BMP6: variants seen among roughly 807,000 people sequenced by gnomAD.
The protein encoded by BMP6 is bone morphogenetic protein 6.
In BMP6, 17 loss-of-function variants were observed where a neutral mutation model predicts 54.1. The observed-to-expected ratio is 0.31, with a 90% CI of 0.22 to 0.47. The LOEUF (loss-of-function observed/expected upper bound fraction) is 0.47, where lower values mean the gene tolerates loss of function less well. Among genes scored for constraint, BMP6 ranks in the 20% least tolerant of loss-of-function variants. BMP6 has a pLI of 1.00. For missense variants in BMP6, 720 were observed against 690.4 expected, an observed-to-expected ratio of 1.04 and a Z score of -0.48; for synonymous variants, 328 against 291.2, an observed-to-expected ratio of 1.13 and a Z score of -1.28.
intron 1 of BMP6, among the ~76,000 whole-genome samples, chr6:7,744,621 G>A (rs1236134554): frequency 6.6e-6 from 1 of 152,066 alleles, no homozygotes; most frequent in African/African-American, 2.4e-5. Context: ...GATGAGTTTT[G>A]GTGTGTGTAT....
chr6:7,767,506 A>G (rs2113150299), intron 1 of BMP6, among the ~76,000 whole-genome samples: 1 of 152,244 alleles, frequency 6.6e-6, no homozygotes, highest in African/African-American at 2.4e-5. Context: ...AGATTTGGAT[A>G]CAGTAGGTTA....
chr6:7,794,997 A>G (rs1352565766), intron 1 of BMP6, among the ~76,000 whole-genome samples: 1 of 152,022 alleles, frequency 6.6e-6, no homozygotes, highest in Non-Finnish European at 1.5e-5. Context: ...ATCCATGGGA[A>G]CACAGGAGTC....
At chr6:7,791,862 C>A (rs9392176) in intron 1 of BMP6, among the ~76,000 whole-genome samples, 41,918 of 151,952 alleles carry the variant, frequency 0.28, 6,634 homozygotes, top group East Asian at 0.53. Flanking sequence ...ATTTTATATC[C>A]GTCTACTTAT....
intron 1 of BMP6, among the ~76,000 whole-genome samples, chr6:7,841,480 A>G (rs1486152636): frequency 2.6e-5 from 4 of 152,276 alleles, no homozygotes; most frequent in African/African-American, 9.6e-5. Flanking sequence ...ACATACAGGC[A>G]GTAACCTAAT....
At chr6:7,840,285 A>G (rs17674245) in intron 1 of BMP6, among the ~76,000 whole-genome samples, 4,702 of 152,260 alleles carry the variant, frequency 0.031, 92 homozygotes, top group Middle Eastern at 0.078. Context: ...GGGGAGTGAT[A>G]AACATTATTC....
At chr6:7,783,168 G>C (rs1165851828) in intron 1 of BMP6, among the ~76,000 whole-genome samples, 1 of 152,202 alleles carries the variant, frequency 6.6e-6, no homozygotes, top group Non-Finnish European at 1.5e-5. Flanking sequence ...TGTGGCATTT[G>C]TATGATTAGA....
chr6:7,877,814 C>T (rs939173231), intron 4 of BMP6, among the ~76,000 whole-genome samples: 4 of 152,144 alleles, frequency 2.6e-5, no homozygotes, highest in Admixed American at 2.6e-4. Flanking sequence ...ACTGACATCC[C>T]ACATTAGATG....
rs76691229 is a variant in BMP6 at position 7,750,331 on chromosome 6, C to T, written c.664+22712C>T. On this transcript the variant is annotated intron_variant, in intron 1 of 6. Transcript: ENST00000283147. ...CTGACGTGTAGATACATGGAACTTC[C>T]GAACTGCAGAGGTACCATGATAGAG... Among the ~76,000 whole-genome samples, 524 of 152,216 alleles carry T rather than the reference C, an allele frequency of 3.4e-3. 2 individuals are homozygous for T. The highest frequency in any genetic ancestry group is 9.1e-3 in the African/African-American group (378 of 41,520).
chr6:7,880,165 G>C, intron 6 of BMP6, 29 bp from the exon 7 acceptor site: 2 of 1,614,010 alleles, frequency 1.2e-6, no homozygotes, highest in Non-Finnish European at 1.7e-6. Context: ...CATTTCTAAG[G>C]TACCTTCTCC....
chr6:7,783,051 T>C (rs551139227), intron 1 of BMP6, among the ~76,000 whole-genome samples: 1 of 151,856 alleles, frequency 6.6e-6, no homozygotes, highest in East Asian at 1.9e-4. Flanking sequence ...AAATAAGAGA[T>C]AGGGAAATGC....
intron 1 of BMP6, among the ~76,000 whole-genome samples, chr6:7,827,960 CAG>C: frequency 6.6e-6 from 1 of 152,348 alleles, no homozygotes; most frequent in East Asian, 1.9e-4. Flanking sequence ...TTAGTTAACA[CAG>C]AAGTTATGTG....
At chr6:7,823,406 T>C (rs1758645728) in intron 1 of BMP6, among the ~76,000 whole-genome samples, 1 of 152,206 alleles carries the variant, frequency 6.6e-6, no homozygotes, top group Non-Finnish European at 1.5e-5. Flanking sequence ...CAAAGAATTA[T>C]TGACTATCAG....
At chr6:7,787,824 A>G (rs76232364) in intron 1 of BMP6, among the ~76,000 whole-genome samples, 1 of 152,226 alleles carries the variant, frequency 6.6e-6, no homozygotes, top group East Asian at 1.9e-4. Context: ...TTTCTTGCAC[A>G]AAAACTCACT....
At chr6:7,739,142 G>C (rs1167717027) in intron 1 of BMP6, among the ~76,000 whole-genome samples, 1 of 152,128 alleles carries the variant, frequency 6.6e-6, no homozygotes, top group African/African-American at 2.4e-5. Flanking sequence ...TTCTAATTTT[G>C]GAAGCAAGTG....
intron 1 of BMP6, among the ~76,000 whole-genome samples, chr6:7,728,573 C>T (rs543639681): frequency 1.3e-5 from 2 of 152,350 alleles, no homozygotes; most frequent in Admixed American, 6.5e-5. Context: ...AGACTCTTTT[C>T]TTCGGAGTCA....
chr6:7,835,930 G>A lies in BMP6; in HGVS notation c.665-9210G>A, dbSNP rs140063327. Reference sequence around the variant, plus strand: ...CGGCTCCCTGCAACCTCTGCCTCCCGGGTTCAAGCTATTCTCCTGCCTCAG... The same window carrying A: ...CGGCTCCCTGCAACCTCTGCCTCCCAGGTTCAAGCTATTCTCCTGCCTCAG... On this transcript the variant is annotated intron_variant, in intron 1 of 6. Coordinates refer to ENST00000283147, the MANE Select transcript of BMP6 (RefSeq NM_001718.6). Among the ~76,000 whole-genome samples the A allele has an allele frequency of 9.1e-3, 1,387 of 151,894 alleles. 19 individuals are homozygous for A. Among genetic ancestry groups the A allele is most frequent in the African/African-American group, 0.032 (1,317 of 41,370 alleles).
intron 1 of BMP6, among the ~76,000 whole-genome samples, chr6:7,727,976 C>T (rs1761777566): frequency 1.3e-5 from 2 of 152,040 alleles, no homozygotes; most frequent in Non-Finnish European, 2.9e-5. Flanking sequence ...TCAACTGCAG[C>T]AGGAGAGTCC....
intron 1 of BMP6, among the ~76,000 whole-genome samples, chr6:7,786,525 A>G (rs1758023298): frequency 6.7e-6 from 1 of 148,894 alleles, no homozygotes; most frequent in African/African-American, 2.5e-5. Flanking sequence ...ATCCTTGGCA[A>G]TGCTTCCTTA....
intron 4 of BMP6, among the ~76,000 whole-genome samples, chr6:7,865,972 G>C (rs1030490902): frequency 3.3e-5 from 5 of 152,220 alleles, no homozygotes; most frequent in Non-Finnish European, 1.5e-5. Context: ...TGCTGTCAGT[G>C]CCTGAGACGG....
Sources: allele counts gnomAD v4.1 joint callset (sites outside exome capture counted in the v4.1 genomes callset), GRCh38; gene constraint gnomAD v4.1.1; transcripts MANE v1.5; gene names NCBI Gene and HGNC (gene_info 2026-07-23, HGNC 2026-07-21).